DPH5: variants seen among roughly 807,000 people sequenced by gnomAD.
The protein encoded by DPH5 is diphthine methyl ester synthase.
A neutral mutation model predicts 31.6 loss-of-function variants in DPH5; 31 were observed. That is an observed-to-expected ratio of 0.98 (90% CI 0.74 to 1.32). The LOEUF (loss-of-function observed/expected upper bound fraction) is 1.32. DPH5 is among the 40% of genes most tolerant of loss of function. The probability of loss-of-function intolerance (pLI) is 0.00; values close to 1 mark genes in which losing one functional copy is unlikely to be tolerated. For missense variants in DPH5, 309 were observed against 335.7 expected (o/e 0.92, Z 0.62); for synonymous variants, 120 against 115.0 (o/e 1.04, Z -0.28).
At chr1:101,009,636 CA>C (rs538045365) in intron 4 of DPH5, among the ~76,000 whole-genome samples, 43 of 152,292 alleles carry the variant, frequency 2.8e-4, no homozygotes, top group African/African-American at 9.4e-4. Flanking sequence ...TCCTCAATTC[CA>C]ATCTTGCCTG....
chr1:101,016,528 T>A (rs1176128200), intron 3 of DPH5, among the ~76,000 whole-genome samples: 3 of 147,446 alleles, frequency 2.0e-5, no homozygotes, highest in Non-Finnish European at 4.5e-5. Flanking sequence ...CACTGCAACC[T>A]CCACCTCCTG....
chr1:101,019,865 T>C (rs1221793858), intron 3 of DPH5, among the ~76,000 whole-genome samples: 1 of 150,356 alleles, frequency 6.7e-6, no homozygotes, highest in Non-Finnish European at 1.5e-5. Context: ...AAAACAGGAA[T>C]GAAAGAGGTA....
At chr1:101,002,463 T>C (rs1035072042) in intron 4 of DPH5, among the ~76,000 whole-genome samples, 2 of 152,222 alleles carry the variant, frequency 1.3e-5, no homozygotes, top group African/African-American at 4.8e-5. Flanking sequence ...TCATATTACA[T>C]GTAAAAAGTT....
intron 7 of DPH5, among the ~76,000 whole-genome samples, chr1:100,992,339 C>A (rs538267214): frequency 6.6e-6 from 1 of 152,100 alleles, no homozygotes; most frequent in African/African-American, 2.4e-5. Flanking sequence ...ATATATTTTA[C>A]AAAAATATTT....
At chr1:101,010,938 AC>A (rs1440889358) in intron 4 of DPH5, among the ~76,000 whole-genome samples, 1 of 152,216 alleles carries the variant, frequency 6.6e-6, no homozygotes, top group Non-Finnish European at 1.5e-5. Context: ...AGACTTTGTT[AC>A]AAATACAAAT....
At chr1:101,014,265 T>C (rs1268293687) in intron 3 of DPH5, among the ~76,000 whole-genome samples, 1 of 152,250 alleles carries the variant, frequency 6.6e-6, no homozygotes, top group African/African-American at 2.4e-5. Flanking sequence ...TGTCTTTGTA[T>C]TTAAAATATA....
intron 3 of DPH5, among the ~76,000 whole-genome samples, chr1:101,015,318 T>C (rs1030410685): frequency 6.6e-6 from 1 of 152,170 alleles, no homozygotes; most frequent in Non-Finnish European, 1.5e-5. Flanking sequence ...ATAAAAACAA[T>C]AGTAATCTTC....
intron 7 of DPH5, among the ~76,000 whole-genome samples, chr1:100,991,424 T>C (rs1040292119): frequency 6.6e-6 from 1 of 152,174 alleles, no homozygotes; most frequent in Non-Finnish European, 1.5e-5. Context: ...ATATAGAACA[T>C]CCTTGCAGAC....
chr1:101,025,536 A>C, intron 1 of DPH5, 70 bp from the exon 2 acceptor site: 2 of 1,486,766 alleles, frequency 1.3e-6, no homozygotes, highest in South Asian at 2.4e-5. Context: ...GATGAACACG[A>C]TGACAACCAA....
At chr1:101,001,434 A>G in intron 5 of DPH5, 33 bp downstream of exon 5, 1 of 1,599,900 alleles carries the variant, frequency 6.3e-7, no homozygotes, top group Non-Finnish European at 8.5e-7. Context: ...ATAGTTCCAT[A>G]TTGTTACTTC....
Position 100,997,378 on chromosome 1 carries a change from G to C in DPH5, c.491-2229C>G, listed in dbSNP as rs1356484605. Among the ~76,000 whole-genome samples the C allele has an allele frequency of 4.1e-5, 6 of 145,804 alleles. No individual in the cohort carries two copies. The East Asian group carries it at 1.2e-3, about 29-fold the overall frequency. ...CCTCTCCTTCCTATCTTTTTTTTTT[G>C]CTTTTGAGAAGGAGTCTCGCTCTGT... On this transcript the variant is annotated intron_variant, in intron 5 of 7. Coordinates refer to ENST00000370109, the MANE Select transcript of DPH5 (RefSeq NM_015958.3).
chr1:101,012,613 G>C (rs1659781556), intron 4 of DPH5, among the ~76,000 whole-genome samples: 1 of 152,104 alleles, frequency 6.6e-6, no homozygotes, highest in African/African-American at 2.4e-5. Flanking sequence ...GTTCAGAAGG[G>C]TTTCAAAATG....
intron 7 of DPH5, among the ~76,000 whole-genome samples, 189 bp downstream of exon 7, chr1:100,992,447 AT>A (rs759620290): frequency 4.6e-5 from 7 of 151,762 alleles, no homozygotes; most frequent in East Asian, 1.9e-4. Context: ...AAGAATGCCA[AT>A]TTTTTTTTCT....
chr1:101,007,661 G>T (rs902422716), intron 4 of DPH5, among the ~76,000 whole-genome samples: 3 of 151,706 alleles, frequency 2.0e-5, no homozygotes, highest in Non-Finnish European at 4.4e-5. Context: ...CTTGCAGTGA[G>T]CTGAGATCGC....
intron 5 of DPH5, among the ~76,000 whole-genome samples, chr1:100,999,352 A>C (rs554195034): frequency 6.6e-6 from 1 of 152,268 alleles, no homozygotes; most frequent in African/African-American, 2.4e-5. Flanking sequence ...TAGAAGGCTG[A>C]GGTGGGAGGA....
intron 2 of DPH5, among the ~76,000 whole-genome samples, chr1:101,022,101 A>G (rs1344272748): frequency 1.3e-5 from 2 of 151,794 alleles, no homozygotes; most frequent in South Asian, 2.1e-4. Flanking sequence ...ATATGTACAC[A>G]TGAGCCCTAC....
In DPH5 at chr1:101,015,269, T is replaced by A. The variant is rs140768467; in HGVS notation, c.261-1451A>T. Among the ~76,000 whole-genome samples, 8 of 152,344 alleles carry A rather than the reference T, an allele frequency of 5.3e-5. No individual in the cohort carries two copies. In the East Asian group the frequency reaches 1.5e-3, roughly 29 times the overall value. On this transcript the variant is annotated intron_variant, in intron 3 of 7. Transcript: ENST00000370109. ...AGACTTGAAAGTCAAAATTACTCCT[T>A]GATCCATGGGCTGTAGAATAGGTGT...
At chr1:100,995,412 G>A (rs1273669918) in intron 5 of DPH5, 3 of 359,806 alleles carry the variant, frequency 8.3e-6, no homozygotes, top group South Asian at 6.6e-5. Flanking sequence ...GAAAGAATTA[G>A]ATAAACATTG....
At chr1:100,996,574 C>T (rs1374987011) in intron 5 of DPH5, among the ~76,000 whole-genome samples, 2 of 152,104 alleles carry the variant, frequency 1.3e-5, no homozygotes. Flanking sequence ...ATGTGAAGTA[C>T]CCAGAAGACA....
Sources: allele counts gnomAD v4.1 joint callset (sites outside exome capture counted in the v4.1 genomes callset), GRCh38; gene constraint gnomAD v4.1.1; transcripts MANE v1.5; gene names NCBI Gene and HGNC (gene_info 2026-07-23, HGNC 2026-07-21).